ERI1: variants seen among roughly 807,000 people sequenced by gnomAD.
ERI1 encodes 3'-5' exoribonuclease 1.
ERI1 carries 39 observed loss-of-function variants against 39.7 expected under a neutral mutation model. The ratio of observed to expected loss-of-function variants is 0.98; its 90% confidence interval spans 0.76 to 1.28. The LOEUF (loss-of-function observed/expected upper bound fraction) is 1.28, where lower values mean the gene tolerates loss of function less well. Among genes scored for constraint, ERI1 ranks in the 50% most tolerant of loss-of-function variants. The pLI, the probability that ERI1 is intolerant of heterozygous loss-of-function variation, is 0.00. For synonymous variants in ERI1, 204 were observed against 149.6 expected (o/e 1.36, Z -2.65); for missense variants, 581 against 416.9 (o/e 1.39, Z -3.43).
At chr8:9,062,912 G>T (rs1338159824) in intron 3 of ERI1, 1 of 152,116 alleles carries the variant, frequency 6.6e-6, no homozygotes, top group African/African-American at 2.4e-5. Context: ...AGCTCCTGGG[G>T]GAGGAGGTTC....
intron 1 of ERI1, among the ~76,000 whole-genome samples, chr8:9,005,137 A>G (rs1458998657): frequency 6.7e-6 from 1 of 150,256 alleles, no homozygotes; most frequent in Non-Finnish European, 1.5e-5. Flanking sequence ...TTTCATCAGA[A>G]CTCTCCTTTT....
intron 3 of ERI1, among the ~76,000 whole-genome samples, chr8:9,095,611 C>T (rs1799852646): frequency 6.6e-6 from 1 of 151,952 alleles, no homozygotes; most frequent in Admixed American, 6.6e-5. Context: ...GCTCAAGCCT[C>T]CCTGCTTCAG....
chr8:9,022,524 C>T (rs1818021705), intron 6 of ERI1, among the ~76,000 whole-genome samples: 1 of 152,068 alleles, frequency 6.6e-6, no homozygotes, highest in Non-Finnish European at 1.5e-5. Flanking sequence ...CTCAGCATCC[C>T]GAGTAGCTGG....
intron 3 of ERI1, among the ~76,000 whole-genome samples, chr8:9,085,915 C>T (rs1246219663): frequency 6.6e-6 from 1 of 152,084 alleles, no homozygotes; most frequent in African/African-American, 2.4e-5. Flanking sequence ...TTAGCAAACT[C>T]TTATATGATC....
intron 3 of ERI1, among the ~76,000 whole-genome samples, chr8:9,015,738 A>AAAAAAAAAAAAAAAAAAC (rs1563318556): frequency 6.6e-6 from 1 of 151,130 alleles, no homozygotes; most frequent in African/African-American, 2.4e-5. Flanking sequence ...AAAAAAAAAA[A>AAAAAAAAAAAAAAAAAAC]AAAGAGACCA....
downstream of ERI1, among the ~76,000 whole-genome samples, chr8:9,034,346 C>G (rs1207563332): frequency 2.6e-5 from 4 of 152,212 alleles, no homozygotes; most frequent in Non-Finnish European, 2.9e-5. Context: ...TTCGCAGATA[C>G]TATTTTGTTT....
At position 9,084,968 on chromosome 8, in the gene ERI1, AATCCCCCCTGC is replaced by A. The variant is rs1353412598; in HGVS notation, n.300-31372_300-31362del. Among the ~76,000 whole-genome samples the A allele has an allele frequency of 5.9e-5, 9 of 152,270 alleles. No homozygotes were observed. The East Asian group carries it at 1.7e-3, about 29-fold the overall frequency. Reference sequence around the variant, plus strand: ...CTTATAGCAGTCGTTTCCAAAATGTAATCCCCCCTGCATCCCCCTCCAGCCCACCAACCAAC... The same window carrying A: ...CTTATAGCAGTCGTTTCCAAAATGTAATCCCCCTCCAGCCCACCAACCAAC... On this transcript the variant is annotated intron_variant and non_coding_transcript_variant, in intron 3 of 3. Transcript: ENST00000518663.
intron 3 of ERI1, among the ~76,000 whole-genome samples, chr8:9,059,912 G>C (rs1426931561): frequency 6.6e-6 from 1 of 152,180 alleles, no homozygotes; most frequent in African/African-American, 2.4e-5. Context: ...AGTTGGTCTG[G>C]TGTCTGGAAT....
At chr8:9,035,551 A>C (rs1271194051), downstream of ERI1, among the ~76,000 whole-genome samples, 1 of 152,112 alleles carries the variant, frequency 6.6e-6, no homozygotes, top group Non-Finnish European at 1.5e-5. Flanking sequence ...GTTGAGACTT[A>C]GTGCTCAGGA....
intron 1 of ERI1, among the ~76,000 whole-genome samples, chr8:9,004,760 T>C (rs112090429): frequency 0.34 from 2,630 of 7,668 alleles, 67 homozygotes; most frequent in South Asian, 0.5. Context: ...GGTCTCAGCT[T>C]ACTGCAACCT....
intron 3 of ERI1, among the ~76,000 whole-genome samples, chr8:9,058,638 A>G (rs1179275821): frequency 6.6e-6 from 1 of 152,194 alleles, no homozygotes; most frequent in Non-Finnish European, 1.5e-5. Context: ...CTTCTGTTTA[A>G]CTTGACTTAA....
At chr8:9,037,893 A>G (rs890568696), downstream of ERI1, among the ~76,000 whole-genome samples, 1 of 71,010 alleles carries the variant, frequency 1.4e-5, no homozygotes, top group South Asian at 2.9e-4. Flanking sequence ...TGCTGATTTA[A>G]AAAAAAAAAA....
chr8:9,016,525 A>G, intron 4 of ERI1, 120 bp downstream of exon 4: 2 of 457,400 alleles, frequency 4.4e-6, no homozygotes, highest in Non-Finnish European at 7.4e-6. Context: ...TTGCTTGGTA[A>G]AGATCTTTCA....
intron 6 of ERI1, 89 bp downstream of exon 6, chr8:9,020,553 T>G (rs1817774748): frequency 3.8e-6 from 3 of 796,560 alleles, no homozygotes; most frequent in Non-Finnish European, 5.8e-6. Context: ...TTTCCAGGTG[T>G]TTTTCATGGA....
In ERI1 at chr8:9,031,147, C is replaced by G. The variant is rs1161870707; in HGVS notation, c.*1113C>G. On this transcript the variant is annotated 3_prime_UTR_variant, in exon 7 of 7. Transcript: ENST00000250263. ...AGCTTTCAGGGAACAATTTCATTGA[C>G]ATTGCTTGCTTCCTGCCTTTTACCT... 1 of 152,156 alleles carries G rather than the reference C, an allele frequency of 6.6e-6. No individual in the cohort carries two copies. Among genetic ancestry groups the G allele is most frequent in the Non-Finnish European group, 1.5e-5 (1 of 68,016 alleles). 9.4% of individuals were successfully genotyped at this position (152,156 alleles called of 1,614,324 possible). A position where few individuals can be genotyped will look rare whatever the true frequency, so the allele number is the denominator to read the frequency against.
In ERI1 at chr8:9,045,603, C is replaced by T. The variant is rs189228490; in HGVS notation, n.299+25139C>T. On this transcript the variant is annotated intron_variant and non_coding_transcript_variant, in intron 3 of 3. Transcript: ENST00000518663. ...CTTGAGCCCAGGAATTTGAGATCAG[C>T]CTGGGTAACATAGCAAGACCCCTAT... Among the ~76,000 whole-genome samples, 378 of 151,960 alleles carry T rather than the reference C, an allele frequency of 2.5e-3. 1 individual carries two copies. Among genetic ancestry groups the T allele is most frequent in the African/African-American group, 8.6e-3 (356 of 41,460 alleles).
intron 5 of ERI1, among the ~76,000 whole-genome samples, chr8:9,018,980 A>T (rs2117242203): frequency 6.6e-6 from 1 of 152,260 alleles, no homozygotes; most frequent in East Asian, 1.9e-4. Flanking sequence ...TTGACATCTG[A>T]CCATATATTC....
intron 6 of ERI1, among the ~76,000 whole-genome samples, chr8:9,025,447 C>G (rs1818370248): frequency 6.6e-6 from 1 of 152,240 alleles, no homozygotes; most frequent in African/African-American, 2.4e-5. Context: ...TGTAAGGAGG[C>G]TGCGTTTTGC....
downstream of ERI1, among the ~76,000 whole-genome samples, chr8:9,033,572 T>TAGA (rs1563344732): frequency 3.0e-5 from 1 of 33,264 alleles, no homozygotes; most frequent in Admixed American, 3.4e-4. Context: ...AATGTTAAGG[T>TAGA]ACAATGATAC....
Sources: allele counts gnomAD v4.1 joint callset (sites outside exome capture counted in the v4.1 genomes callset), GRCh38; gene constraint gnomAD v4.1.1; transcripts MANE v1.5; gene names NCBI Gene and HGNC (gene_info 2026-07-23, HGNC 2026-07-21).